Variants in FOXN2 observed in about 807,000 individuals in gnomAD.
FOXN2 encodes forkhead box N2.
Under a neutral mutation model 41.2 loss-of-function variants are expected in FOXN2, and 19 were observed. The observed-to-expected ratio is 0.46, with a 90% CI of 0.32 to 0.68. The LOEUF is 0.68. Ranked by LOEUF, FOXN2 falls within the 30% of genes least tolerant of loss-of-function variation. FOXN2 has a pLI of 0.03. For missense variants in FOXN2, 587 were observed against 509.4 expected (o/e 1.15, Z -1.47); for synonymous variants, 195 against 176.8 (o/e 1.10, Z -0.82).
At chr2:48,333,121 T>C (rs1243409612) in intron 2 of FOXN2, among the ~76,000 whole-genome samples, 2 of 152,168 alleles carry the variant, frequency 1.3e-5, no homozygotes, top group East Asian at 3.8e-4. Flanking sequence ...AAGAAGGCTT[T>C]CATTTTATAA....
At chr2:48,361,232 C>G (rs753754623) in intron 4 of FOXN2, among the ~76,000 whole-genome samples, 2 of 151,918 alleles carry the variant, frequency 1.3e-5, no homozygotes, top group African/African-American at 2.4e-5. Flanking sequence ...TTTGGTAGGC[C>G]GAGGCCAGTG....
chr2:48,317,595 C>CTTTTTTTTTTTTTTTTTTT lies in FOXN2; in HGVS notation c.-157+2793_-157+2811dup, dbSNP rs574980247. On this transcript the variant is annotated intron_variant, in intron 1 of 6. Coordinates refer to ENST00000340553, the MANE Select transcript of FOXN2 (RefSeq NM_002158.4). ...ACAATGCCTATAGCCTATAGTATTG[C>CTTTTTTTTTTTTTTTTTTT]TTTTTTTTTTTTTTTTTTTTTTTTT... Among the ~76,000 whole-genome samples the CTTTTTTTTTTTTTTTTTTT allele has an allele frequency of 5.2e-4, 18 of 34,748 alleles. 5 individuals are homozygous for CTTTTTTTTTTTTTTTTTTT. Among genetic ancestry groups the CTTTTTTTTTTTTTTTTTTT allele is most frequent in the Non-Finnish European group, 8.6e-4 (15 of 17,476 alleles). 22.8% of individuals were successfully genotyped at this position (34,748 alleles called of 152,430 possible).
chr2:48,366,041 G>C (rs1320443069), intron 5 of FOXN2, among the ~76,000 whole-genome samples: 1 of 152,124 alleles, frequency 6.6e-6, no homozygotes, highest in Admixed American at 6.6e-5. Context: ...ATAGATGAGA[G>C]ACCCAGGCCC....
chr2:48,349,661 G>A (rs1231203511), intron 3 of FOXN2, among the ~76,000 whole-genome samples: 1 of 152,150 alleles, frequency 6.6e-6, no homozygotes, highest in Non-Finnish European at 1.5e-5. Flanking sequence ...TGTAATCCCA[G>A]CTACTCGGGA....
At chr2:48,330,853 T>C (rs1334112077) in intron 2 of FOXN2, among the ~76,000 whole-genome samples, 1 of 152,054 alleles carries the variant, frequency 6.6e-6, no homozygotes, top group Non-Finnish European at 1.5e-5. Flanking sequence ...GAAGCTGGAG[T>C]AGTAGGGTCA....
chr2:48,314,046 G>A (rs919160586), upstream of FOXN2, among the ~76,000 whole-genome samples: 4 of 152,184 alleles, frequency 2.6e-5, no homozygotes, highest in African/African-American at 9.6e-5. Context: ...CAAACACAGT[G>A]ACTTGTTTCC....
intron 2 of FOXN2, among the ~76,000 whole-genome samples, chr2:48,330,843 G>A (rs1042607152): frequency 6.6e-6 from 1 of 152,152 alleles, no homozygotes; most frequent in African/African-American, 2.4e-5. Context: ...TTTTAAGTAG[G>A]AAGCTGGAGT....
intron 5 of FOXN2, among the ~76,000 whole-genome samples, chr2:48,366,599 A>G (rs1171367231): frequency 8.5e-5 from 13 of 152,114 alleles, no homozygotes; most frequent in Admixed American, 8.5e-4. Context: ...AAGGACTTTG[A>G]ACATCCTCCT....
intron 1 of FOXN2, among the ~76,000 whole-genome samples, chr2:48,322,690 A>G (rs955353568): frequency 1.3e-5 from 2 of 149,992 alleles, no homozygotes; most frequent in Non-Finnish European, 3.0e-5. Flanking sequence ...CTATCACCTC[A>G]TGTCTGAGCT....
chr2:48,337,135 C>G (rs1388693898), intron 2 of FOXN2, among the ~76,000 whole-genome samples: 2 of 151,630 alleles, frequency 1.3e-5, no homozygotes, highest in East Asian at 3.9e-4. Context: ...CCTCTAGTAA[C>G]TATCCTTCTA....
intron 1 of FOXN2, among the ~76,000 whole-genome samples, chr2:48,317,274 C>T (rs958911843): frequency 6.6e-6 from 1 of 151,948 alleles, no homozygotes; most frequent in Admixed American, 6.6e-5. Flanking sequence ...CGTGGCAAAA[C>T]CCCATCTCTA....
intron 2 of FOXN2, among the ~76,000 whole-genome samples, chr2:48,331,336 C>CT (rs1356886360): frequency 1.3e-5 from 2 of 150,576 alleles, no homozygotes; most frequent in Non-Finnish European, 3.0e-5. Context: ...ATTTAGGACT[C>CT]TAAGAACTAT....
At chr2:48,370,340 A>G (rs1024921482) in intron 5 of FOXN2, among the ~76,000 whole-genome samples, 1 of 148,096 alleles carries the variant, frequency 6.8e-6, no homozygotes, top group Non-Finnish European at 1.5e-5. Flanking sequence ...TGGAGAGGTC[A>G]TTGTTTTTGC....
At chr2:48,353,504 T>C (rs556534260) in intron 3 of FOXN2, among the ~76,000 whole-genome samples, 1 of 151,142 alleles carries the variant, frequency 6.6e-6, no homozygotes, top group East Asian at 1.9e-4. Context: ...CTAGGGAAGA[T>C]ATGAGAGCTC....
At chr2:48,346,839 A>G (rs1671136402) in intron 3 of FOXN2, 88 bp downstream of exon 3, 2 of 1,118,278 alleles carry the variant, frequency 1.8e-6, no homozygotes, top group Non-Finnish European at 2.5e-6. Context: ...TCGGGGAGAC[A>G]ATAAGTAGTC....
At chr2:48,319,075 GT>G (rs1669119253) in intron 1 of FOXN2, among the ~76,000 whole-genome samples, 1 of 151,844 alleles carries the variant, frequency 6.6e-6, no homozygotes, top group Non-Finnish European at 1.5e-5. Flanking sequence ...TCTTAAAAAT[GT>G]TTACAGGTGT....
chr2:48,341,966 T>C (rs1319555340), intron 2 of FOXN2, among the ~76,000 whole-genome samples: 7 of 152,228 alleles, frequency 4.6e-5, no homozygotes, highest in Non-Finnish European at 2.9e-5. Context: ...TGACTTGAGC[T>C]CTCTGATAAG....
At chr2:48,327,302 C>G (rs989923416) in intron 1 of FOXN2, among the ~76,000 whole-genome samples, 4 of 152,094 alleles carry the variant, frequency 2.6e-5, no homozygotes, top group African/African-American at 7.2e-5. Flanking sequence ...ACTTGCTAAC[C>G]ATGTCTACTA....
At chr2:48,332,967 A>G (rs1670107430) in intron 2 of FOXN2, among the ~76,000 whole-genome samples, 1 of 151,532 alleles carries the variant, frequency 6.6e-6, no homozygotes, top group Admixed American at 6.6e-5. Context: ...GATTAATATC[A>G]AGGTAAATGA....
Sources: gnomAD v4.1 joint callset for allele counts (sites outside exome capture counted in the v4.1 genomes callset) on GRCh38, gnomAD v4.1.1 for gene constraint, MANE v1.5 for transcripts, NCBI Gene and HGNC (gene_info 2026-07-23, HGNC 2026-07-21) for gene names.